The following FBXL7 variants were observed in gnomAD, a reference collection of about 807,000 sequenced individuals.
FBXL7 encodes F-box/LRR-repeat protein 7.
Under a neutral mutation model 38.3 loss-of-function variants are expected in FBXL7, and 12 were observed. That is an observed-to-expected ratio of 0.31 (90% CI 0.20 to 0.51). FBXL7 has a LOEUF of 0.51. Ranked by LOEUF, FBXL7 falls within the 20% of genes least tolerant of loss-of-function variation. FBXL7 has a pLI of 0.98. For synonymous variants in FBXL7, 297 were observed against 300.9 expected (o/e 0.99, Z 0.13); for missense variants, 567 against 676.4 (o/e 0.84, Z 1.79).
At chr5:15,791,287 C>T (rs749083499) in intron 2 of FBXL7, among the ~76,000 whole-genome samples, 1 of 152,090 alleles carries the variant, frequency 6.6e-6, no homozygotes, top group Non-Finnish European at 1.5e-5. Flanking sequence ...TATGACAGAA[C>T]CTAACACGTT....
intron 1 of FBXL7, among the ~76,000 whole-genome samples, chr5:15,554,393 G>GT (rs1375380455): frequency 6.6e-6 from 1 of 152,082 alleles, no homozygotes; most frequent in Non-Finnish European, 1.5e-5. Context: ...TAGAACAGTC[G>GT]TAACTACCAA....
chr5:15,580,799 T>G (rs964560005), intron 1 of FBXL7: 1 of 985,272 alleles, frequency 1.0e-6, no homozygotes, highest in African/African-American at 1.7e-5. Context: ...TCATGGTCTA[T>G]CTCAGTTGCC....
intron 2 of FBXL7, among the ~76,000 whole-genome samples, chr5:15,722,327 A>G (rs1470869217): frequency 6.6e-6 from 1 of 152,148 alleles, no homozygotes; most frequent in Non-Finnish European, 1.5e-5. Flanking sequence ...ACTCATTCCT[A>G]TCCGGCCACC....
Position 15,936,437 on chromosome 5 carries a change from T to C in FBXL7, c.740-13T>C. ...CAGGTTGCTCTGAGCCTGTGTTCTG[T>C]CTCTTTGTGCAGGATGCTCCAAAGT... On this transcript the variant is annotated splice_polypyrimidine_tract_variant and intron_variant, in intron 3 of 3. Transcript: ENST00000504595. The surrounding 1 kb of genome is among the most constrained non-coding windows in gnomAD (Gnocchi z 6.0). 6.2e-7 allele frequency: 1 copy of C among 1,608,156 alleles called. No homozygotes were observed. The highest frequency in any genetic ancestry group is 8.5e-7 in the Non-Finnish European group (1 of 1,177,192).
At chr5:15,639,413 A>T (rs972142854) in intron 2 of FBXL7, among the ~76,000 whole-genome samples, 20 of 152,040 alleles carry the variant, frequency 1.3e-4, no homozygotes, top group Non-Finnish European at 2.9e-5. Context: ...ATAGTGAATG[A>T]GTCTCACAAG....
At chr5:15,651,644 A>C (rs1204236799) in intron 2 of FBXL7, among the ~76,000 whole-genome samples, 1 of 152,232 alleles carries the variant, frequency 6.6e-6, no homozygotes, top group Non-Finnish European at 1.5e-5. Context: ...GCCGTTATTC[A>C]GCTTTGTTGT....
intron 2 of FBXL7, among the ~76,000 whole-genome samples, chr5:15,766,169 C>T (rs146878496): frequency 4.6e-4 from 70 of 152,298 alleles, no homozygotes; most frequent in African/African-American, 1.6e-3. Flanking sequence ...TACAGATAAT[C>T]CTCCCATTCC....
intron 2 of FBXL7, among the ~76,000 whole-genome samples, chr5:15,813,621 T>C (rs1049083751): frequency 6.6e-6 from 1 of 151,988 alleles, no homozygotes; most frequent in Non-Finnish European, 1.5e-5. Context: ...AAAGAAACTA[T>C]CATCAGAGTG....
intron 2 of FBXL7, among the ~76,000 whole-genome samples, chr5:15,786,553 A>T (rs551024453): frequency 4.6e-5 from 7 of 152,320 alleles, no homozygotes; most frequent in Middle Eastern, 3.4e-3. Flanking sequence ...TGGGAGGCTC[A>T]TTCAATGTAG....
chr5:15,903,338 A>G (rs921006439), intron 2 of FBXL7, among the ~76,000 whole-genome samples: 2 of 152,220 alleles, frequency 1.3e-5, no homozygotes, highest in East Asian at 1.9e-4. Context: ...GGTTCTCCAC[A>G]TCTTTCCAAA....
Position 15,576,072 on chromosome 5 carries a change from C to CTT in FBXL7, c.38-39885_38-39884dup, listed in dbSNP as rs35832237. 5.3e-4 allele frequency among the ~76,000 whole-genome samples: 39 copies of CTT among 74,260 alleles called. 2 individuals are homozygous for CTT. The highest frequency in any genetic ancestry group is 1.2e-3 in the South Asian group (2 of 1,738). 48.7% of individuals were successfully genotyped at this position (74,260 alleles called of 152,430 possible). On this transcript the variant is annotated intron_variant, in intron 1 of 3. Transcript: ENST00000504595. ...GTAATGGTTGCCAGAGAATCTCATT[C>CTT]TTTTTTTTTTTTTTTTTTTTTTTTT...
intron 2 of FBXL7, among the ~76,000 whole-genome samples, chr5:15,809,306 T>G (rs1737793529): frequency 6.6e-6 from 1 of 152,204 alleles, no homozygotes; most frequent in African/African-American, 2.4e-5. Flanking sequence ...GGGGTTACCA[T>G]TCCACTTGCT....
chr5:15,859,207 A>G (rs1349872186), intron 2 of FBXL7, among the ~76,000 whole-genome samples: 2 of 152,132 alleles, frequency 1.3e-5, no homozygotes, highest in African/African-American at 2.4e-5. Context: ...GAGAAAGTGA[A>G]CTGGGCCCAG....
chr5:15,622,892 A>G (rs912764808), intron 2 of FBXL7, among the ~76,000 whole-genome samples: 2 of 151,312 alleles, frequency 1.3e-5, no homozygotes, highest in African/African-American at 2.4e-5. Flanking sequence ...TTTAGTAGAG[A>G]TGGGGTTTGG....
At chr5:15,701,241 G>A (rs1743513193) in intron 2 of FBXL7, among the ~76,000 whole-genome samples, 1 of 152,118 alleles carries the variant, frequency 6.6e-6, no homozygotes, top group African/African-American at 2.4e-5. Context: ...GTGTCTCTGG[G>A]TCAAAAGTTA....
intron 1 of FBXL7, among the ~76,000 whole-genome samples, chr5:15,586,325 C>T (rs1390199325): frequency 7.1e-6 from 1 of 141,576 alleles, no homozygotes; most frequent in African/African-American, 2.6e-5. Flanking sequence ...CCCTCCACCT[C>T]CCTCTCCATC....
chr5:15,706,921 A>C (rs1461147617), intron 2 of FBXL7, among the ~76,000 whole-genome samples: 1 of 152,016 alleles, frequency 6.6e-6, no homozygotes, highest in East Asian at 1.9e-4. Context: ...GGGGAACTGA[A>C]TGTGTAAAAG....
intron 2 of FBXL7, among the ~76,000 whole-genome samples, chr5:15,892,578 G>A (rs963094572): frequency 3.3e-5 from 5 of 152,106 alleles, no homozygotes; most frequent in South Asian, 2.1e-4. Flanking sequence ...CTTTGGGTTC[G>A]CAGCTTACTT....
At chr5:15,640,563 G>T (rs1741329352) in intron 2 of FBXL7, among the ~76,000 whole-genome samples, 1 of 147,320 alleles carries the variant, frequency 6.8e-6, no homozygotes, top group Non-Finnish European at 1.5e-5. Flanking sequence ...TTGCTCTGTT[G>T]CCCAGGCTGG....
Sources: allele counts gnomAD v4.1 joint callset (sites outside exome capture counted in the v4.1 genomes callset), GRCh38; gene constraint gnomAD v4.1.1; non-coding constraint Gnocchi (gnomAD v3.1); transcripts MANE v1.5; gene names NCBI Gene and HGNC (gene_info 2026-07-23, HGNC 2026-07-21).